Variants in EYS observed in about 807,000 individuals in gnomAD.
EYS encodes protein eyes shut homolog.
A neutral mutation model predicts 282.1 loss-of-function variants in EYS; 250 were observed. The observed-to-expected ratio is 0.89, with a 90% CI of 0.80 to 0.98. EYS has a LOEUF of 0.98. Among genes scored for constraint, EYS ranks in the 50% least tolerant of loss-of-function variants. EYS has a pLI of 0.00. For synonymous variants in EYS, 1,355 were observed against 1,282.9 expected, an observed-to-expected ratio of 1.06 and a Z score of -1.20; for missense variants, 4,016 against 3,709.0, an observed-to-expected ratio of 1.08 and a Z score of -2.15.
chr6:65,397,289 G>C (rs1416099754), intron 7 of EYS, among the ~76,000 whole-genome samples: 1 of 151,840 alleles, frequency 6.6e-6, no homozygotes, highest in East Asian at 1.9e-4. Flanking sequence ...ACATAGCGGT[G>C]AAGTCTGGGC....
chr6:64,747,168 G>T (rs1433687968), intron 22 of EYS, among the ~76,000 whole-genome samples: 1 of 152,188 alleles, frequency 6.6e-6, no homozygotes, highest in Non-Finnish European at 1.5e-5. Context: ...AAACTACTTT[G>T]TAATTTTTGG....
chr6:65,210,355 G>C (rs753435733), intron 12 of EYS, among the ~76,000 whole-genome samples: 1 of 151,940 alleles, frequency 6.6e-6, no homozygotes, highest in Non-Finnish European at 1.5e-5. Context: ...TTTTTCCTTA[G>C]GGGGTTTAAA....
At chr6:63,798,947 ATATATATGTATATGTG>A (rs1157701254) in intron 37 of EYS, among the ~76,000 whole-genome samples, 1 of 140,520 alleles carries the variant, frequency 7.1e-6, no homozygotes, top group East Asian at 2.0e-4. Flanking sequence ...TAAAATATAT[ATATATATGTATATGTG>A]TATATATATA....
chr6:64,566,161 G>A (rs73764815), intron 26 of EYS, among the ~76,000 whole-genome samples: 4,220 of 152,082 alleles, frequency 0.028, 125 homozygotes, highest in East Asian at 0.11. Context: ...GAAGACTTAT[G>A]CACAATTATT....
At chr6:65,022,957 C>A (rs1439783719) in intron 13 of EYS, among the ~76,000 whole-genome samples, 1 of 151,672 alleles carries the variant, frequency 6.6e-6, no homozygotes, top group African/African-American at 2.4e-5. Flanking sequence ...TTGTACAATT[C>A]CATTTATATT....
At chr6:63,745,028 GA>G (rs1446086461) in intron 41 of EYS, 4 of 420,994 alleles carry the variant, frequency 9.5e-6, no homozygotes, top group African/African-American at 2.1e-5. Flanking sequence ...GACCTGGCAA[GA>G]AAAAAGAATA....
chr6:64,581,366 A>G (rs1032279535), intron 26 of EYS, among the ~76,000 whole-genome samples: 1 of 152,146 alleles, frequency 6.6e-6, no homozygotes, highest in Non-Finnish European at 1.5e-5. Flanking sequence ...GGCTGAGTTG[A>G]AAATGAAAAT....
chr6:65,021,585 C>G (rs1288357238), intron 13 of EYS, among the ~76,000 whole-genome samples: 2 of 152,180 alleles, frequency 1.3e-5, no homozygotes, highest in African/African-American at 4.8e-5. Context: ...CTGTCTTTTT[C>G]TGAGCCATCA....
intron 22 of EYS, among the ~76,000 whole-genome samples, chr6:64,686,843 A>ATG: frequency 2.4e-5 from 1 of 41,040 alleles, no homozygotes; most frequent in African/African-American, 7.5e-5. Flanking sequence ...ATATACGTGT[A>ATG]TATATATATA....
chr6:65,435,721 GC>G (rs1425366536), intron 5 of EYS, among the ~76,000 whole-genome samples: 1 of 151,918 alleles, frequency 6.6e-6, no homozygotes, highest in African/African-American at 2.4e-5. Context: ...TGAAGTCCCA[GC>G]CCCCACCCCA....
intron 26 of EYS, among the ~76,000 whole-genome samples, chr6:64,524,040 A>G (rs1449554815): frequency 6.6e-6 from 1 of 151,614 alleles, no homozygotes; most frequent in Non-Finnish European, 1.5e-5. Flanking sequence ...ATCATCCAGG[A>G]AACATGCTGA....
intron 12 of EYS, among the ~76,000 whole-genome samples, chr6:65,267,098 C>G (rs192581791): frequency 6.6e-6 from 1 of 151,356 alleles, no homozygotes; most frequent in Admixed American, 6.6e-5. Context: ...GTCTCTCAAG[C>G]AGACAAGTAC....
Position 65,005,508 on chromosome 6 carries a change from G to A in EYS, c.2138-7805C>T, listed in dbSNP as rs1373388389. 2.7e-5 allele frequency among the ~76,000 whole-genome samples: 4 copies of A among 147,466 alleles called. 2 individuals carry two copies. Among genetic ancestry groups the A allele is most frequent in the African/African-American group, 4.9e-5 (2 of 41,128 alleles). On this transcript the variant is annotated intron_variant, in intron 13 of 42. Coordinates refer to ENST00000503581, the MANE Select transcript of EYS (RefSeq NM_001142800.2). ...CACCCGGTAACATTTTGGCGACCAC[G>A]AAGGGACCTCCAAAGTGGTAATGTT...
intron 24 of EYS, among the ~76,000 whole-genome samples, chr6:64,600,031 C>G (rs1297595550): frequency 1.3e-5 from 2 of 152,112 alleles, no homozygotes; most frequent in African/African-American, 4.8e-5. Flanking sequence ...ACTCTATTGA[C>G]AGTAACATTT....
At chr6:65,168,105 T>A (rs1174286514) in intron 12 of EYS, among the ~76,000 whole-genome samples, 1 of 151,350 alleles carries the variant, frequency 6.6e-6, no homozygotes, top group Non-Finnish European at 1.5e-5. Context: ...AATTGTCCTT[T>A]TTCCTTAAAT....
intron 5 of EYS, among the ~76,000 whole-genome samples, chr6:65,456,854 A>G (rs1197940404): frequency 6.6e-6 from 1 of 152,156 alleles, no homozygotes; most frequent in East Asian, 1.9e-4. Context: ...CCATATTAGA[A>G]AGGAGGAAGT....
chr6:65,111,451 T>C (rs1212991887), intron 12 of EYS, among the ~76,000 whole-genome samples: 1 of 152,166 alleles, frequency 6.6e-6, no homozygotes, highest in Admixed American at 6.5e-5. Flanking sequence ...CAATGTATGT[T>C]TATTAATTCA....
intron 2 of EYS, among the ~76,000 whole-genome samples, chr6:65,588,017 T>C (rs747435481): frequency 2.0e-5 from 3 of 152,036 alleles, no homozygotes. Context: ...ACTTTTCCCC[T>C]TAGAGAAGAT....
chr6:63,747,412 T>C (rs1425638620), intron 41 of EYS, among the ~76,000 whole-genome samples: 1 of 152,208 alleles, frequency 6.6e-6, no homozygotes, highest in East Asian at 1.9e-4. Flanking sequence ...CTGAGAAGAA[T>C]GTATATTCTG....
Sources: gnomAD v4.1 joint callset for allele counts (sites outside exome capture counted in the v4.1 genomes callset) on GRCh38, gnomAD v4.1.1 for gene constraint, MANE v1.5 for transcripts, NCBI Gene and HGNC (gene_info 2026-07-23, HGNC 2026-07-21) for gene names.